ALDH3A2: variants seen among roughly 807,000 people sequenced by gnomAD.
The protein encoded by ALDH3A2 is aldehyde dehydrogenase 3 family member A2, also known as aldehyde dehydrogenase family 3 member A2.
In ALDH3A2, 36 loss-of-function variants were observed where a neutral mutation model predicts 51.3. That is an observed-to-expected ratio of 0.70 (90% confidence interval 0.54 to 0.93). ALDH3A2 has a LOEUF of 0.93. ALDH3A2 is among the 40% of genes least tolerant of loss of function. The pLI is 0.00. For synonymous variants in ALDH3A2, 199 were observed against 219.8 expected, an observed-to-expected ratio of 0.91 and a Z score of 0.84; for missense variants, 552 against 603.1, an observed-to-expected ratio of 0.92 and a Z score of 0.89.
In ALDH3A2 at chr17:19,675,708, C is replaced by A; in HGVS notation, c.*136C>A. 9.9e-7 allele frequency: 1 copy of A among 1,005,114 alleles called. No homozygotes were observed. The highest frequency in any genetic ancestry group is 1.3e-5 in the South Asian group (1 of 76,166). The allele number at this position is 1,005,114 out of a possible 1,614,324, so 62.3% of individuals were successfully genotyped here. A position where few individuals can be genotyped will look rare whatever the true frequency, so the allele number is the denominator to read the frequency against. ...ACACTCTGTGATCAAACTTAAAAGT[C>A]ATTGCCATTCATCATTAATAAAAGT... On this transcript the variant is annotated 3_prime_UTR_variant, in exon 10 of 10. Coordinates refer to ENST00000176643, the MANE Select transcript of ALDH3A2 (RefSeq NM_000382.3).
Position 19,676,891 on chromosome 17 carries a change from C to T in ALDH3A2, c.*1319C>T, listed in dbSNP as rs940853571. On this transcript the variant is annotated 3_prime_UTR_variant, in exon 10 of 10. Transcript: ENST00000176643. ...GACAAAGAGGCCTGGGATATTAGGA[C>T]TTTGGGGTTTGAGAGCATCATGGGG... 6.6e-6 allele frequency: 1 copy of T among 152,160 alleles called. No individual in the cohort carries two copies. Among genetic ancestry groups the T allele is most frequent in the African/African-American group, 2.4e-5 (1 of 41,422 alleles). 9.4% of individuals were successfully genotyped at this position (152,160 alleles called of 1,614,324 possible). A position where few individuals can be genotyped will look rare whatever the true frequency, so the allele number is the denominator to read the frequency against.
chr17:19,663,582 A>G, intron 7 of ALDH3A2, 83 bp downstream of exon 7: 1 of 1,440,624 alleles, frequency 6.9e-7, no homozygotes, highest in Non-Finnish European at 9.6e-7. Context: ...AATGCAAAAA[A>G]CAATGTGAAA....
chr17:19,659,562 T>C (rs1567601486), intron 5 of ALDH3A2: 1 of 151,480 alleles, frequency 6.6e-6, no homozygotes, highest in East Asian at 1.9e-4. Flanking sequence ...AAGAGAAAAT[T>C]GGCTGGGCAC....
intron 9 of ALDH3A2, chr17:19,675,326 G>A (rs1326153211): frequency 1.8e-6 from 1 of 556,710 alleles, no homozygotes; most frequent in Non-Finnish European, 3.2e-6. Flanking sequence ...TCATTATCAC[G>A]TTGTCTTACT....
At chr17:19,663,077 G>T (rs987870555) in intron 6 of ALDH3A2, among the ~76,000 whole-genome samples, 1 of 152,160 alleles carries the variant, frequency 6.6e-6, no homozygotes, top group Non-Finnish European at 1.5e-5. Flanking sequence ...CTGTGAACAG[G>T]GTTCAATGTG....
rs778644671 is a variant in ALDH3A2 at position 19,676,913 on chromosome 17, G to A, written c.*1341G>A. ...GGACTTTGGGGTTTGAGAGCATCATGGGGCAGACAGATGGTGGATGGTCTG... is the reference window on the plus strand; with the variant it reads ...GGACTTTGGGGTTTGAGAGCATCATAGGGCAGACAGATGGTGGATGGTCTG... On this transcript the variant is annotated 3_prime_UTR_variant, in exon 10 of 10. Coordinates refer to ENST00000176643, the MANE Select transcript of ALDH3A2 (RefSeq NM_000382.3). 2.6e-5 allele frequency: 4 copies of A among 152,222 alleles called. No individual in the cohort carries two copies. Among genetic ancestry groups the A allele is most frequent in the Non-Finnish European group, 4.4e-5 (3 of 68,048 alleles). 9.4% of individuals were successfully genotyped at this position (152,222 alleles called of 1,614,324 possible). A position where few individuals can be genotyped will look rare whatever the true frequency, so the allele number is the denominator to read the frequency against.
chr17:19,650,676 A>G (rs2084803768), intron 1 of ALDH3A2, among the ~76,000 whole-genome samples: 1 of 151,324 alleles, frequency 6.6e-6, no homozygotes, highest in African/African-American at 2.4e-5. Flanking sequence ...GATGGTCTCC[A>G]TCTCCTGACC....
In ALDH3A2 at chr17:19,657,879, T is replaced by G. The variant is rs763105379; in HGVS notation, c.798+17T>G. The G allele has an allele frequency of 6.5e-7, 1 of 1,541,290 alleles. No individual in the cohort carries two copies. The highest frequency in any genetic ancestry group is 1.1e-5 in the South Asian group (1 of 89,434). ...ACAGTGAAGGTTTGTATTAAAAACATCTGATTCCACTGATTTTAATAAGAT... is the reference window on the plus strand; with the variant it reads ...ACAGTGAAGGTTTGTATTAAAAACAGCTGATTCCACTGATTTTAATAAGAT... On this transcript the variant is annotated intron_variant, in intron 5 of 9. Transcript: ENST00000176643.
chr17:19,664,620 G>A (rs1033244999), intron 7 of ALDH3A2, among the ~76,000 whole-genome samples: 1 of 152,220 alleles, frequency 6.6e-6, no homozygotes. Flanking sequence ...AGTCTAAGCT[G>A]TCCCCTTTTA....
At chr17:19,665,938 G>A (rs1262745176) in intron 8 of ALDH3A2, among the ~76,000 whole-genome samples, 1 of 152,112 alleles carries the variant, frequency 6.6e-6, no homozygotes, top group Non-Finnish European at 1.5e-5. Flanking sequence ...ATCTGTTCCT[G>A]GTTAAGGAAA....
Position 19,672,867 on chromosome 17 carries a change from C to G in ALDH3A2, c.1443+911C>G, listed in dbSNP as rs551479689. ...ACCAGCCTGACCAATATGGTGAAAC[C>G]CTGTCTCTACTAAAAATACAAAAAT... On this transcript the variant is annotated intron_variant, in intron 9 of 9. Coordinates refer to ENST00000176643, the MANE Select transcript of ALDH3A2 (RefSeq NM_000382.3). 2.7e-3 allele frequency among the ~76,000 whole-genome samples: 413 copies of G among 152,136 alleles called. 1 individual carries two copies. Among genetic ancestry groups the G allele is most frequent in the Admixed American group, 6.4e-3 (98 of 15,274 alleles).
In ALDH3A2 at chr17:19,649,256, A is replaced by G. The variant is rs1335172783; in HGVS notation, c.153+132A>G. On this transcript the variant is annotated intron_variant, in intron 1 of 9. Coordinates refer to ENST00000176643, the MANE Select transcript of ALDH3A2 (RefSeq NM_000382.3). ...AGCACTGGGAGTATGATCTCCAGCG[A>G]TACAGATAAAGCCAAAGTTCCCGCA... 7 of 1,292,470 alleles carry G rather than the reference A, an allele frequency of 5.4e-6. No homozygotes were observed. In the East Asian group the frequency reaches 1.8e-4, roughly 33 times the overall value. The allele number at this position is 1,292,470 out of a possible 1,614,324, so 80.1% of individuals were successfully genotyped here.
rs752346126 is a variant in ALDH3A2 at position 19,652,542 on chromosome 17, T to C, written c.386-5T>C. On this transcript the variant is annotated splice_polypyrimidine_tract_variant and splice_region_variant and intron_variant, in intron 2 of 9. Transcript: ENST00000176643. ...TGATACTGTTCTACTTTTTACTTTATTTAGGAAATGCTGTGATTATAAAGC... is the reference window on the plus strand; with the variant it reads ...TGATACTGTTCTACTTTTTACTTTACTTAGGAAATGCTGTGATTATAAAGC... 13 of 1,609,686 alleles carry C rather than the reference T, an allele frequency of 8.1e-6. No homozygotes were observed. The African/African-American group carries it at 1.1e-4, about 13-fold the overall frequency.
In ALDH3A2 at chr17:19,661,203, T is replaced by A; in HGVS notation, c.875T>A (p.Leu292Gln). 6.2e-7 allele frequency: 1 copy of A among 1,614,108 alleles called. No individual in the cohort carries two copies. Among genetic ancestry groups the A allele is most frequent in the Non-Finnish European group, 8.5e-7 (1 of 1,179,954 alleles). ...AATCTTCGTCATTTTAAGAGGATAC[T>A]AAGTTTGCTTGAAGGACAAAAGATA... is the stretch of plus-strand genomic sequence containing the variant. The part of the protein sequence containing the change: ...IINLRHFKRI[L>Q]SLLEGQKIAF... Residue 292 changes from leucine to glutamine, a missense_variant, in exon 6 of 10, where the codon CTA becomes CAA. Leu to Gln is a moderately radical substitution (Grantham distance 113). Coordinates refer to ENST00000176643, the MANE Select transcript of ALDH3A2 (RefSeq NM_000382.3).
intron 3 of ALDH3A2, chr17:19,655,269 T>A (rs2084879968): frequency 1.3e-5 from 2 of 152,242 alleles, no homozygotes; most frequent in South Asian, 4.1e-4. Flanking sequence ...GATATTTTTC[T>A]CTTTGTTAGA....
At position 19,651,760 on chromosome 17, in the gene ALDH3A2, A is replaced by G. The variant is rs1258727804; in HGVS notation, c.367A>G (p.Ile123Val). Reference protein sequence around the residue: ...YPFVLTIQPLIGAIAAGNAVI... With the variant: ...YPFVLTIQPLVGAIAAGNAVI... ...CTTCGTTCTCACCATTCAGCCACTGATAGGAGCCATCGCTGCAGGTCTGGT... is the reference window on the plus strand; with the variant it reads ...CTTCGTTCTCACCATTCAGCCACTGGTAGGAGCCATCGCTGCAGGTCTGGT... The change falls in exon 2 of 10, where the codon ATA (isoleucine) becomes GTA (valine). Residue 123 changes from isoleucine to valine, a missense_variant. Transcript: ENST00000176643. The G allele has an allele frequency of 6.2e-7, 1 of 1,614,150 alleles. No homozygotes were observed. Among genetic ancestry groups the G allele is most frequent in the Admixed American group, 1.7e-5 (1 of 60,028 alleles).
intron 4 of ALDH3A2, among the ~76,000 whole-genome samples, chr17:19,657,074 G>T (rs2084907141): frequency 6.6e-6 from 1 of 152,188 alleles, no homozygotes; most frequent in African/African-American, 2.4e-5. Context: ...GCTAAATCCG[G>T]TTTAGCTACT....
At chr17:19,655,912 C>T (rs952939254) in intron 3 of ALDH3A2, among the ~76,000 whole-genome samples, 6 of 152,242 alleles carry the variant, frequency 3.9e-5, no homozygotes, top group African/African-American at 1.4e-4. Flanking sequence ...CAAGCGCTCT[C>T]AGCTACTGTG....
chr17:19,650,777 C>T (rs1261479574), intron 1 of ALDH3A2, among the ~76,000 whole-genome samples: 2 of 152,068 alleles, frequency 1.3e-5, no homozygotes, highest in African/African-American at 4.8e-5. Flanking sequence ...TACTTTTTAT[C>T]TGCATTACAT....
Sources: gnomAD v4.1 joint callset for allele counts (sites outside exome capture counted in the v4.1 genomes callset) on GRCh38, gnomAD v4.1.1 for gene constraint, MANE v1.5 for transcripts, NCBI Gene and HGNC (gene_info 2026-07-23, HGNC 2026-07-21) for gene names.